The following CMKLR2 variants were observed in gnomAD, a reference collection of about 807,000 sequenced individuals.
The protein encoded by CMKLR2 is chemerin-like receptor 2.
A neutral mutation model predicts 23.0 loss-of-function variants in CMKLR2; 18 were observed. That is an observed-to-expected ratio of 0.78 (90% confidence interval 0.54 to 1.16). The LOEUF is 1.16. Ranked by LOEUF, CMKLR2 falls within the 50% of genes most tolerant of loss-of-function variation. CMKLR2 has a pLI of 0.00. For synonymous variants in CMKLR2, 158 were observed against 158.9 expected (o/e 0.99, Z 0.05); for missense variants, 401 against 412.7 (o/e 0.97, Z 0.25).
At chr2:206,190,721 GA>G (rs1688723943) in intron 1 of CMKLR2, among the ~76,000 whole-genome samples, 1 of 152,148 alleles carries the variant, frequency 6.6e-6, no homozygotes, top group African/African-American at 2.4e-5. Flanking sequence ...GAGAAAGAAA[GA>G]AAGTTTTTCC....
intron 1 of CMKLR2, among the ~76,000 whole-genome samples, chr2:206,184,286 T>C (rs1208687654): frequency 2.0e-5 from 3 of 149,874 alleles, no homozygotes; most frequent in Non-Finnish European, 4.4e-5. Flanking sequence ...AAAACCCCAT[T>C]TCTCTCTCTC....
intron 1 of CMKLR2, among the ~76,000 whole-genome samples, chr2:206,210,037 C>G (rs373431440): frequency 1.8e-4 from 27 of 151,226 alleles, no homozygotes; most frequent in African/African-American, 6.6e-4. Context: ...AATCTCGGCT[C>G]ACTGCAACCT....
Position 206,189,960 on chromosome 2 carries a change from G to A in CMKLR2, c.-28-12685C>T, listed in dbSNP as rs912871451. Among the ~76,000 whole-genome samples, 44 of 152,070 alleles carry A rather than the reference G, an allele frequency of 2.9e-4. 1 individual carries two copies. Among genetic ancestry groups the A allele is most frequent in the African/African-American group, 7.2e-5 (3 of 41,420 alleles). Reference sequence around the variant, plus strand: ...GATGAACGATCTCTGCTTGGAAGGCGTTGAGGCACAGCAACACGTTAAAAA... The same window carrying A: ...GATGAACGATCTCTGCTTGGAAGGCATTGAGGCACAGCAACACGTTAAAAA... On this transcript the variant is annotated intron_variant, in intron 1 of 1. Coordinates refer to ENST00000621141, the MANE Select transcript of CMKLR2 (RefSeq NM_001389445.1).
chr2:206,177,898 A>G (rs141322577), intron 1 of CMKLR2, among the ~76,000 whole-genome samples: 1 of 152,202 alleles, frequency 6.6e-6, no homozygotes, highest in Non-Finnish European at 1.5e-5. Flanking sequence ...TTCAACAAGC[A>G]TTTATTAGAT....
At chr2:206,200,200 G>A (rs1689049875) in intron 1 of CMKLR2, among the ~76,000 whole-genome samples, 1 of 151,884 alleles carries the variant, frequency 6.6e-6, no homozygotes, top group Admixed American at 6.6e-5. Context: ...GAGGCGGGCG[G>A]ATCACCTGAG....
At chr2:206,195,846 C>G (rs1026293970) in intron 1 of CMKLR2, among the ~76,000 whole-genome samples, 1 of 151,794 alleles carries the variant, frequency 6.6e-6, no homozygotes, top group Non-Finnish European at 1.5e-5. Flanking sequence ...CCCAGCTACT[C>G]GGGAGGCTGA....
intron 1 of CMKLR2, among the ~76,000 whole-genome samples, chr2:206,179,168 G>T (rs1274048804): frequency 7.6e-6 from 1 of 131,860 alleles, no homozygotes; most frequent in Admixed American, 8.8e-5. Flanking sequence ...CTCACCTCCC[G>T]GGTTCAAGCA....
At chr2:206,209,911 G>A (rs1429471519) in intron 1 of CMKLR2, among the ~76,000 whole-genome samples, 2 of 150,876 alleles carry the variant, frequency 1.3e-5, no homozygotes, top group Non-Finnish European at 2.9e-5. Flanking sequence ...GCCTCCCAAA[G>A]TGCTGGGATT....
chr2:206,209,870 G>A (rs1689481657), intron 1 of CMKLR2, among the ~76,000 whole-genome samples: 3 of 151,320 alleles, frequency 2.0e-5, no homozygotes, highest in East Asian at 2.0e-4. Context: ...GGATGGTCTC[G>A]ATTTCCTGAC....
At chr2:206,191,157 G>C (rs1448194232) in intron 1 of CMKLR2, among the ~76,000 whole-genome samples, 1 of 152,212 alleles carries the variant, frequency 6.6e-6, no homozygotes, top group Non-Finnish European at 1.5e-5. Context: ...GTTTCTGGCT[G>C]TGGGATCATG....
chr2:206,210,852 A>AT (rs1228282643), intron 1 of CMKLR2, among the ~76,000 whole-genome samples: 1 of 152,172 alleles, frequency 6.6e-6, no homozygotes, highest in Non-Finnish European at 1.5e-5. Context: ...TCATTGCCAG[A>AT]TTTTTCCACT....
intron 1 of CMKLR2, among the ~76,000 whole-genome samples, chr2:206,184,303 T>A (rs1341871316): frequency 6.6e-6 from 1 of 151,074 alleles, no homozygotes; most frequent in African/African-American, 2.4e-5. Context: ...TCTCTCTCTT[T>A]TTTTTTTTTT....
upstream of CMKLR2, among the ~76,000 whole-genome samples, chr2:206,215,983 T>C (rs1308092712): frequency 1.3e-5 from 2 of 152,156 alleles, no homozygotes; most frequent in Non-Finnish European, 2.9e-5. Flanking sequence ...CATCTCCTTA[T>C]TGGAAGAGAT....
intron 1 of CMKLR2, among the ~76,000 whole-genome samples, chr2:206,207,932 G>C (rs1689399342): frequency 6.6e-6 from 1 of 151,290 alleles, no homozygotes; most frequent in Non-Finnish European, 1.5e-5. Context: ...AGTAGAGACA[G>C]TTTCTCCATG....
At chr2:206,207,727 C>A (rs1402077492) in intron 1 of CMKLR2, among the ~76,000 whole-genome samples, 1 of 29,834 alleles carries the variant, frequency 3.4e-5, no homozygotes, top group Non-Finnish European at 5.9e-5. Flanking sequence ...GACCTCAGGG[C>A]CTTTTTTTTT....
intron 1 of CMKLR2, among the ~76,000 whole-genome samples, chr2:206,179,085 TTTTTTTTG>T (rs1559082955): frequency 1.6e-5 from 2 of 121,698 alleles, no homozygotes; most frequent in Non-Finnish European, 3.4e-5. Context: ...TTTTTTTTTT[TTTTTTTTG>T]AGACAGAATT....
intron 1 of CMKLR2, among the ~76,000 whole-genome samples, chr2:206,205,150 T>C (rs1425601836): frequency 1.3e-5 from 2 of 152,152 alleles, no homozygotes; most frequent in Non-Finnish European, 2.9e-5. Flanking sequence ...ATGTGGGAAA[T>C]TAGTAAAGAG....
chr2:206,215,170 C>T (rs1422005102), upstream of CMKLR2, among the ~76,000 whole-genome samples: 1 of 152,130 alleles, frequency 6.6e-6, no homozygotes, highest in Non-Finnish European at 1.5e-5. Context: ...TCCACACCTA[C>T]CCGCAATCCC....
chr2:206,211,644 C>T (rs1384818642), intron 1 of CMKLR2, among the ~76,000 whole-genome samples: 2 of 151,880 alleles, frequency 1.3e-5, no homozygotes. Flanking sequence ...CTCCTAAGGA[C>T]CCATTTATGT....
Sources: gnomAD v4.1 joint callset for allele counts (sites outside exome capture counted in the v4.1 genomes callset) on GRCh38, gnomAD v4.1.1 for gene constraint, MANE v1.5 for transcripts, NCBI Gene and HGNC (gene_info 2026-07-23, HGNC 2026-07-21) for gene names.